ZNF516: variants seen among roughly 807,000 people sequenced by gnomAD.
ZNF516 encodes the protein zinc finger protein 516.
A neutral mutation model predicts 79.7 loss-of-function variants in ZNF516; 19 were observed. The observed-to-expected ratio is 0.24, with a 90% CI of 0.17 to 0.35. The LOEUF (loss-of-function observed/expected upper bound fraction) is 0.35. ZNF516 is among the 10% of genes least tolerant of loss of function. The pLI is 1.00. For missense variants in ZNF516, 1,678 were observed against 1,679.5 expected (o/e 1.00, Z 0.02); for synonymous variants, 877 against 739.5 (o/e 1.19, Z -3.02).
chr18:76,390,853 G>A lies in ZNF516; in HGVS notation c.1811-10550C>T, dbSNP rs575030301. Among the ~76,000 whole-genome samples, 9 of 152,256 alleles carry A rather than the reference G, an allele frequency of 5.9e-5. No homozygotes were observed. In the South Asian group the frequency reaches 8.3e-4, roughly 14 times the overall value. On this transcript the variant is annotated intron_variant, in intron 3 of 6. Coordinates refer to ENST00000443185, the MANE Select transcript of ZNF516 (RefSeq NM_014643.4). ...ACTTCACATCCATGACCTGCCCCTC[G>A]GAAAAGGTCTAGGGAGGGAAGGTCA...
intron 2 of ZNF516, among the ~76,000 whole-genome samples, chr18:76,458,995 G>A (rs1283275507): frequency 1.3e-5 from 2 of 151,986 alleles, no homozygotes; most frequent in South Asian, 2.1e-4. Flanking sequence ...TGTGCCCGAG[G>A]GTGTGTGTGT....
At chr18:76,424,369 G>A (rs1599066308) in intron 3 of ZNF516, among the ~76,000 whole-genome samples, 2 of 73,694 alleles carry the variant, frequency 2.7e-5, no homozygotes, top group Non-Finnish European at 5.9e-5. Flanking sequence ...ACACCCACAC[G>A]CAGGTGAAAG....
At position 76,437,067 on chromosome 18, in the gene ZNF516, A is replaced by AACACACACACACACACACACACAC. The variant is rs370573337; in HGVS notation, c.1810+4154_1810+4177dup. Among the ~76,000 whole-genome samples the AACACACACACACACACACACACAC allele has an allele frequency of 7.0e-4, 95 of 135,982 alleles. 1 individual carries two copies. The highest frequency in any genetic ancestry group is 1.9e-3 in the African/African-American group (64 of 34,522). 89.2% of individuals were successfully genotyped at this position (135,982 alleles called of 152,430 possible). ...GGGTGACAGAGCAAGACCTGTCTAA[A>AACACACACACACACACACACACAC]ACACACACACACACACACACACACA... On this transcript the variant is annotated intron_variant, in intron 3 of 6. Transcript: ENST00000443185.
intron 6 of ZNF516, among the ~76,000 whole-genome samples, chr18:76,363,061 C>G (rs753384004): frequency 4.9e-4 from 75 of 152,208 alleles, no homozygotes; most frequent in Non-Finnish European, 1.8e-4. Context: ...AGAGCGTGTT[C>G]ACCCATTTCC....
At position 76,404,835 on chromosome 18, in the gene ZNF516, CACTGTA is replaced by C. The variant is rs566734629; in HGVS notation, c.1811-24538_1811-24533del. On this transcript the variant is annotated intron_variant, in intron 3 of 6. Transcript: ENST00000443185. ...TGTGTGCACGAGTTTGCATGTGTATCACTGTAACTGTGTGCATGTGTGAGCATCTGT... is the reference window on the plus strand; with the variant it reads ...TGTGTGCACGAGTTTGCATGTGTATCACTGTGTGCATGTGTGAGCATCTGT... Among the ~76,000 whole-genome samples, 37 of 137,290 alleles carry C rather than the reference CACTGTA, an allele frequency of 2.7e-4. No individual in the cohort carries two copies. In the East Asian group the frequency reaches 3.3e-3, roughly 12 times the overall value. 90.1% of individuals were successfully genotyped at this position (137,290 alleles called of 152,430 possible).
At chr18:76,384,273 C>T (rs1346207855) in intron 3 of ZNF516, among the ~76,000 whole-genome samples, 4 of 149,156 alleles carry the variant, frequency 2.7e-5, no homozygotes, top group African/African-American at 7.4e-5. Context: ...ACGGCCCCCA[C>T]GCCCCCACCA....
chr18:76,408,587 G>A (rs2075331961), intron 3 of ZNF516, among the ~76,000 whole-genome samples: 1 of 152,182 alleles, frequency 6.6e-6, no homozygotes, highest in South Asian at 2.1e-4. Context: ...AGGAAACTGA[G>A]GGCACATGGC....
chr18:76,406,669 G>C (rs534242683), intron 3 of ZNF516, among the ~76,000 whole-genome samples: 13 of 152,306 alleles, frequency 8.5e-5, no homozygotes, highest in African/African-American at 3.1e-4. Context: ...GGCTCTGCTG[G>C]CCTGTCTGCA....
chr18:76,398,168 TGTTGTGAATCAAATGCTGAA>T (rs1480074896), intron 3 of ZNF516, among the ~76,000 whole-genome samples: 2 of 152,234 alleles, frequency 1.3e-5, no homozygotes, highest in Non-Finnish European at 2.9e-5. Context: ...TTGGTTTTTC[TGTTGTGAATCAAATGCTGAA>T]GTGAATCGAA....
chr18:76,454,730 C>T (rs1773258853), intron 2 of ZNF516, among the ~76,000 whole-genome samples: 1 of 152,150 alleles, frequency 6.6e-6, no homozygotes, highest in African/African-American at 2.4e-5. Context: ...ACTGCAAGTT[C>T]CAGGCTTTGA....
chr18:76,370,739 C>G, intron 5 of ZNF516, 144 bp from the exon 6 acceptor site: 4 of 644,932 alleles, frequency 6.2e-6, no homozygotes, highest in Non-Finnish European at 9.8e-6. Context: ...TTTACCGTAA[C>G]ACTTACAGTA....
chr18:76,457,744 G>A (rs1200546883), intron 2 of ZNF516, among the ~76,000 whole-genome samples: 2 of 152,032 alleles, frequency 1.3e-5, no homozygotes, highest in African/African-American at 2.4e-5. Context: ...GAGTGATATG[G>A]GGGCAACTCC....
At chr18:76,488,521 T>TGAGGCG (rs1914966365) in intron 1 of ZNF516, among the ~76,000 whole-genome samples, 1 of 86,866 alleles carries the variant, frequency 1.2e-5, no homozygotes, top group African/African-American at 4.4e-5. Context: ...CTAGAACTTT[T>TGAGGCG]GAGGGGGAGG....
chr18:76,398,776 T>TA lies in ZNF516; in HGVS notation c.1811-18474dup, dbSNP rs569089401. Among the ~76,000 whole-genome samples the TA allele has an allele frequency of 2.1e-3, 317 of 152,302 alleles. 3 individuals carry two copies. Among genetic ancestry groups the TA allele is most frequent in the Non-Finnish European group, 3.1e-3 (210 of 68,028 alleles). On this transcript the variant is annotated intron_variant, in intron 3 of 6. Transcript: ENST00000443185. Reference sequence around the variant, plus strand: ...AATAACACTGTACACTTCTCCGACTTAAAGCCAACTAATATACACACAAAC... The same window carrying TA: ...AATAACACTGTACACTTCTCCGACTTAAAAGCCAACTAATATACACACAAAC...
upstream of ZNF516, chr18:76,496,340 C>A (rs1188495369): frequency 1.6e-6 from 2 of 1,289,582 alleles, no homozygotes; most frequent in Non-Finnish European, 2.0e-6. Context: ...TGGATTCCGT[C>A]CAAGACGCCC....
At chr18:76,363,222 G>A (rs1292142580) in intron 6 of ZNF516, among the ~76,000 whole-genome samples, 1 of 152,210 alleles carries the variant, frequency 6.6e-6, no homozygotes, top group African/African-American at 2.4e-5. Flanking sequence ...TTTACAATCT[G>A]AGGACAGAAA....
intron 3 of ZNF516, among the ~76,000 whole-genome samples, chr18:76,391,855 A>C (rs2075078286): frequency 6.6e-6 from 1 of 152,342 alleles, no homozygotes; most frequent in Admixed American, 6.5e-5. Flanking sequence ...CTCGCCCTGA[A>C]GGCCGGAGAC....
intron 3 of ZNF516, among the ~76,000 whole-genome samples, chr18:76,391,413 C>A (rs1206954750): frequency 6.6e-6 from 1 of 152,166 alleles, no homozygotes; most frequent in Non-Finnish European, 1.5e-5. Flanking sequence ...TAACCGCTAA[C>A]CATAACCACT....
Position 76,442,679 on chromosome 18 carries a change from G to T in ZNF516, c.376C>A (p.Arg126=). Residue 126 remains arginine, a synonymous_variant, in exon 3 of 7, where the codon CGG becomes AGG. Transcript: ENST00000443185. ...GCCTGCGAGGCCCCGTTCAGCAGCC[G>T]GTTGCAGGCCGAGGCGCTCTTGGTG... is the stretch of plus-strand genomic sequence containing the variant. ...SPTKSASACN[R]LLNGASQADG... 1 of 1,584,292 alleles carries T rather than the reference G, an allele frequency of 6.3e-7. No homozygotes were observed. Among genetic ancestry groups the T allele is most frequent in the Non-Finnish European group, 8.6e-7 (1 of 1,168,424 alleles).
Sources: gnomAD v4.1 joint callset for allele counts (sites outside exome capture counted in the v4.1 genomes callset) on GRCh38, gnomAD v4.1.1 for gene constraint, MANE v1.5 for transcripts, NCBI Gene and HGNC (gene_info 2026-07-23, HGNC 2026-07-21) for gene names.